Variants in ACSBG1 observed in about 807,000 individuals in gnomAD.
The protein encoded by ACSBG1 is acyl-CoA synthetase bubblegum family member 1.
In ACSBG1, 39 loss-of-function variants were observed where a neutral mutation model predicts 80.2. That is an observed-to-expected ratio of 0.49 (90% confidence interval 0.38 to 0.64). The LOEUF is 0.64. Among genes scored for constraint, ACSBG1 ranks in the 30% least tolerant of loss-of-function variants. The pLI, the probability that ACSBG1 is intolerant of heterozygous loss-of-function variation, is 0.00. For missense variants in ACSBG1, 828 were observed against 966.4 expected (o/e 0.86, Z 1.90); for synonymous variants, 392 against 379.5 (o/e 1.03, Z -0.38).
chr15:78,190,164 T>C (rs2075044416), intron 5 of ACSBG1, among the ~76,000 whole-genome samples: 3 of 152,072 alleles, frequency 2.0e-5, no homozygotes, highest in Admixed American at 2.0e-4. Flanking sequence ...ATCTTAGTAC[T>C]TTGGGAAGCC....
chr15:78,174,462 T>C lies in ACSBG1; in HGVS notation c.1765A>G (p.Met589Val). 6.2e-7 allele frequency: 1 copy of C among 1,614,150 alleles called. No individual in the cohort carries two copies. ...GCGTTGCTGATGATGGGCAGCTCCATCTTCACGGCCTCCTCGATGGGCACA... is the reference window on the plus strand; with the variant it reads ...GCGTTGCTGATGATGGGCAGCTCCACCTTCACGGCCTCCTCGATGGGCACA... ...PPVPIEEAVKMELPIISNAML... is the reference protein window; with the variant it reads ...PPVPIEEAVKVELPIISNAML... Residue 589 changes from methionine (M) to valine (V), a missense_variant, in exon 12 of 14, where the codon ATG becomes GTG. This residue lies in a region of ACSBG1 where 201 missense variants were observed against 227.0 expected (regional missense o/e 0.89). Coordinates refer to ENST00000258873, the MANE Select transcript of ACSBG1 (RefSeq NM_015162.5).
chr15:78,179,519 T>C (rs1171441468), intron 10 of ACSBG1, 31 bp downstream of exon 10: 3 of 1,587,004 alleles, frequency 1.9e-6, no homozygotes, highest in South Asian at 1.1e-5. Context: ...GGCGCATGGG[T>C]GTGCATGTGT....
At chr15:78,181,403 GTGATACTC>G (rs571943979) in intron 8 of ACSBG1, among the ~76,000 whole-genome samples, 187 of 152,068 alleles carry the variant, frequency 1.2e-3, no homozygotes, top group Non-Finnish European at 2.3e-3. Flanking sequence ...TAGCCTTCTG[GTGATACTC>G]TGAGGATGCC....
At chr15:78,190,359 C>A (rs1001633802) in intron 5 of ACSBG1, among the ~76,000 whole-genome samples, 2 of 151,334 alleles carry the variant, frequency 1.3e-5, no homozygotes, top group Admixed American at 6.6e-5. Context: ...TTCCTTCTTT[C>A]TTTTTGTTTT....
chr15:78,188,488 T>A (rs1436459289), intron 5 of ACSBG1, among the ~76,000 whole-genome samples: 100 of 149,772 alleles, frequency 6.7e-4, no homozygotes, highest in African/African-American at 2.4e-3. Context: ...TATAGATCAA[T>A]GGAACAGAAC....
Position 78,182,564 on chromosome 15 carries a change from C to T in ACSBG1, c.796G>A (p.Ala266Thr), listed in dbSNP as rs1264430080. The T allele has an allele frequency of 1.1e-5, 17 of 1,614,122 alleles. No homozygotes were observed. Among genetic ancestry groups the T allele is most frequent in the East Asian group, 2.2e-5 (1 of 44,880 alleles). Residue 266 changes from alanine to threonine, a missense_variant, in exon 7 of 14, where the codon GCC (alanine) becomes ACC (threonine). Ala to Thr is a moderately conservative substitution (Grantham distance 58). Transcript: ENST00000258873. The part of the protein sequence containing the change: ...GNEVPEEALD[A>T]IIDTQQPNQC... ...TTGGGCTGCTGGGTGTCAATGATGG[C>T]GTCCAGGGCTTCCTCAGGCACTTCA... is the stretch of plus-strand genomic sequence containing the variant.
intron 1 of ACSBG1, among the ~76,000 whole-genome samples, chr15:78,218,844 C>T (rs78730285): frequency 1.4e-3 from 42 of 30,114 alleles, no homozygotes; most frequent in African/African-American, 3.2e-3. Flanking sequence ...CGGAGTATCG[C>T]TGTGTTGCCT....
At chr15:78,173,243 G>A (rs2141316914) in intron 13 of ACSBG1, among the ~76,000 whole-genome samples, 1 of 151,022 alleles carries the variant, frequency 6.6e-6, no homozygotes, top group Non-Finnish European at 1.5e-5. Flanking sequence ...TACTCGGGAG[G>A]CTGAGGCAGG....
At position 78,174,468 on chromosome 15, in the gene ACSBG1, C is replaced by T. The variant is rs538171038; in HGVS notation, c.1759G>A (p.Val587Met). Residue 587 changes from valine to methionine, a missense_variant, in exon 12 of 14, where the codon GTG becomes ATG. By Grantham distance (21) the Val-to-Met change is conservative. Around this residue, in one of 3 missense-constraint regions of ACSBG1, gnomAD observed 201 missense variants for 227.0 expected, o/e 0.89. Coordinates refer to ENST00000258873, the MANE Select transcript of ACSBG1 (RefSeq NM_015162.5). ...NVPPVPIEEA[V>M]KMELPIISNA... ...CTGATGATGGGCAGCTCCATCTTCA[C>T]GGCCTCCTCGATGGGCACAGGGGGC... is the stretch of plus-strand genomic sequence containing the variant. 1.4e-5 allele frequency: 23 copies of T among 1,614,180 alleles called. No individual in the cohort carries two copies. Among genetic ancestry groups the T allele is most frequent in the African/African-American group, 6.7e-5 (5 of 75,036 alleles).
rs529242313 is a variant in ACSBG1 at position 78,185,043 on chromosome 15, G to A, written c.664-2258C>T. ...GGGAGAGAGAGGGAGAGAAAGGGGC[G>A]GAGGGGAGGGAGAGAGAGAGAGAGA... On this transcript the variant is annotated intron_variant, in intron 5 of 13. Coordinates refer to ENST00000258873, the MANE Select transcript of ACSBG1 (RefSeq NM_015162.5). Among the ~76,000 whole-genome samples, 43 of 106,112 alleles carry A rather than the reference G, an allele frequency of 4.1e-4. No individual in the cohort carries two copies. The East Asian group carries it at 7.9e-3, about 20-fold the overall frequency. The allele number at this position is 106,112 out of a possible 152,430, so 69.6% of individuals were successfully genotyped here.
rs199505466 is a variant in ACSBG1 at position 78,179,780 on chromosome 15, G to A, written c.1254C>T (p.Ser418=). Residue 418 remains serine, a splice_region_variant and synonymous_variant, in exon 10 of 14, where the codon AGC becomes AGT. Coordinates refer to ENST00000258873, the MANE Select transcript of ACSBG1 (RefSeq NM_015162.5). ...TLEQNLTCPG[S]DLKPFTTRLA... is the part of the protein sequence containing the mutation. ...GTCTGGTTGTGAAGGGCTTCAGGTCGCTGGTGGGAGAGGGAGAATGGTTCA... is the reference window on the plus strand; with the variant it reads ...GTCTGGTTGTGAAGGGCTTCAGGTCACTGGTGGGAGAGGGAGAATGGTTCA... 1.5e-4 allele frequency: 246 copies of A among 1,610,312 alleles called. No individual in the cohort carries two copies. The highest frequency in any genetic ancestry group is 4.5e-5 in the East Asian group (2 of 44,792).
intron 2 of ACSBG1, among the ~76,000 whole-genome samples, chr15:78,207,462 T>C (rs577872027): frequency 5.7e-4 from 87 of 152,320 alleles, no homozygotes; most frequent in African/African-American, 2.0e-3. Flanking sequence ...ATTATTATTA[T>C]TATCATTTTG....
rs1186036572 is a variant in ACSBG1 at position 78,178,940 on chromosome 15, T to C, written c.1485-109A>G. The C allele has an allele frequency of 7.1e-6, 8 of 1,128,922 alleles. No individual in the cohort carries two copies. Among genetic ancestry groups the C allele is most frequent in the Non-Finnish European group, 9.8e-6 (8 of 814,646 alleles). 69.9% of individuals were successfully genotyped at this position (1,128,922 alleles called of 1,614,324 possible). A position where few individuals can be genotyped will look rare whatever the true frequency, so the allele number is the denominator to read the frequency against. ...GGTCTTCACTGATTGCTAGAAGGTA[T>C]CCCCTCACAGGGCTTTTGTATTTTT... On this transcript the variant is annotated intron_variant, in intron 10 of 13. Transcript: ENST00000258873. This position sits in a 1 kb window ranked among gnomAD's most constrained non-coding sequence, Gnocchi z 4.3.
intron 2 of ACSBG1, among the ~76,000 whole-genome samples, chr15:78,195,115 TG>T (rs2075101499): frequency 6.6e-6 from 1 of 152,092 alleles, no homozygotes; most frequent in African/African-American, 2.4e-5. Flanking sequence ...GTGAACAGGT[TG>T]GGGACAGATC....
chr15:78,207,917 T>TCCCCCCCCCCCCCCCCCCCCCCCCCCCC, intron 2 of ACSBG1, 85 bp downstream of exon 2: 1 of 876,064 alleles, frequency 1.1e-6, no homozygotes, highest in Non-Finnish European at 1.8e-6. Context: ...TGTGTGGTGG[T>TCCCCCCCCCCCCCCCCCCCCCCCCCCCC]CCCCCACACC....
At chr15:78,199,896 T>C (rs1379555177) in intron 2 of ACSBG1, among the ~76,000 whole-genome samples, 1 of 152,188 alleles carries the variant, frequency 6.6e-6, no homozygotes, top group South Asian at 2.1e-4. Context: ...CCTCATTGTG[T>C]GCATGCTGTG....
intron 9 of ACSBG1, among the ~76,000 whole-genome samples, chr15:78,180,242 A>G (rs2074928470): frequency 1.3e-5 from 2 of 152,248 alleles, no homozygotes. Flanking sequence ...ATCTCATGAA[A>G]CATACCATTT....
At chr15:78,218,597 A>G (rs1163402949) in intron 1 of ACSBG1, among the ~76,000 whole-genome samples, 3 of 152,134 alleles carry the variant, frequency 2.0e-5, no homozygotes, top group South Asian at 2.1e-4. Flanking sequence ...CACTGTTCCA[A>G]TTGCTTTACA....
chr15:78,196,900 T>TAA (rs58091839), intron 2 of ACSBG1, among the ~76,000 whole-genome samples: 13 of 140,710 alleles, frequency 9.2e-5, no homozygotes, highest in South Asian at 2.3e-4. Context: ...ACCCTATCTC[T>TAA]AAAAAAAAAA....
Sources: gnomAD v4.1 joint callset for allele counts (sites outside exome capture counted in the v4.1 genomes callset) on GRCh38, gnomAD v4.1.1 for gene constraint, gnomAD v4.1.1 regional missense constraint, Gnocchi (gnomAD v3.1) non-coding constraint, MANE v1.5 for transcripts, NCBI Gene and HGNC (gene_info 2026-07-23, HGNC 2026-07-21) for gene names.